PTPRD: variants seen among roughly 807,000 people sequenced by gnomAD.
PTPRD encodes the protein protein tyrosine phosphatase receptor type D.
PTPRD carries 34 observed loss-of-function variants against 214.5 expected under a neutral mutation model. The observed-to-expected ratio is 0.16, with a 90% CI of 0.12 to 0.21. PTPRD has a LOEUF of 0.21. PTPRD is among the 10% of genes least tolerant of loss of function. The pLI, the probability that PTPRD is intolerant of heterozygous loss-of-function variation, is 1.00. For missense variants in PTPRD, 2,545 were observed against 2,398.7 expected, an observed-to-expected ratio of 1.06 and a Z score of -1.27; for synonymous variants, 1,128 against 845.7, an observed-to-expected ratio of 1.33 and a Z score of -5.79.
chr9:9,963,461 G>C (rs1024377254), intron 4 of PTPRD, among the ~76,000 whole-genome samples: 1 of 152,088 alleles, frequency 6.6e-6, no homozygotes, highest in Non-Finnish European at 1.5e-5. Flanking sequence ...AATTTTCTAT[G>C]TTGGATGTTT....
intron 5 of PTPRD, among the ~76,000 whole-genome samples, chr9:9,912,608 C>T (rs1365006353): frequency 6.6e-6 from 1 of 152,206 alleles, no homozygotes; most frequent in Non-Finnish European, 1.5e-5. Flanking sequence ...CGTTGGCAAT[C>T]AGTGCTGAAG....
intron 2 of PTPRD, among the ~76,000 whole-genome samples, chr9:10,529,583 G>A (rs1421312406): frequency 6.6e-6 from 1 of 151,360 alleles, no homozygotes; most frequent in African/African-American, 2.4e-5. Context: ...TGGGGGGCAA[G>A]GGGAAGGATA....
intron 10 of PTPRD, among the ~76,000 whole-genome samples, chr9:9,160,684 A>G (rs1157692448): frequency 6.6e-6 from 1 of 152,196 alleles, no homozygotes; most frequent in African/African-American, 2.4e-5. Flanking sequence ...TTCTGGATAT[A>G]CATTCAAAGG....
In PTPRD at chr9:8,521,262, A is replaced by G. The variant is rs2138847091; in HGVS notation, c.961+15T>C. The G allele has an allele frequency of 1.2e-6, 2 of 1,601,492 alleles. No homozygotes were observed. The highest frequency in any genetic ancestry group is 2.2e-5 in the South Asian group (2 of 89,186). ...AGTGTACCCAGATCCTCAAAGCATA[A>G]TCCATTGAGCATACCTTTGACAGTG... On this transcript the variant is annotated intron_variant, in intron 20 of 45. Transcript: ENST00000381196.
chr9:8,845,040 T>A (rs966505891), intron 11 of PTPRD, among the ~76,000 whole-genome samples: 2 of 152,164 alleles, frequency 1.3e-5, no homozygotes, highest in African/African-American at 4.8e-5. Context: ...AGTGCTTTAC[T>A]CAGCCTTATA....
intron 30 of PTPRD, among the ~76,000 whole-genome samples, chr9:8,474,075 C>T (rs1433795643): frequency 6.6e-6 from 1 of 152,136 alleles, no homozygotes; most frequent in Non-Finnish European, 1.5e-5. Flanking sequence ...CATATGGCAG[C>T]TGTGGATCTA....
At chr9:9,842,065 G>A (rs981341173) in intron 5 of PTPRD, among the ~76,000 whole-genome samples, 2 of 151,852 alleles carry the variant, frequency 1.3e-5, no homozygotes, top group African/African-American at 4.8e-5. Flanking sequence ...TGCTGAAATA[G>A]CTAAAGGAGG....
At chr9:9,821,270 C>A (rs1380412882) in intron 5 of PTPRD, among the ~76,000 whole-genome samples, 1 of 152,118 alleles carries the variant, frequency 6.6e-6, no homozygotes, top group Non-Finnish European at 1.5e-5. Flanking sequence ...ATTTTGTACC[C>A]TGAAACTTTA....
At chr9:8,342,186 T>C (rs1853072479) in intron 39 of PTPRD, among the ~76,000 whole-genome samples, 1 of 152,022 alleles carries the variant, frequency 6.6e-6, no homozygotes, top group Non-Finnish European at 1.5e-5. Context: ...CTGAGTAAAA[T>C]TAGTTTAGTT....
At chr9:9,839,255 T>C (rs933040473) in intron 5 of PTPRD, among the ~76,000 whole-genome samples, 11 of 152,076 alleles carry the variant, frequency 7.2e-5, no homozygotes, top group Non-Finnish European at 1.2e-4. Context: ...AAAGAGGAAG[T>C]CAAATTGTCC....
At chr9:8,778,247 T>C (rs2095559210) in intron 11 of PTPRD, among the ~76,000 whole-genome samples, 2 of 152,238 alleles carry the variant, frequency 1.3e-5, no homozygotes, top group Admixed American at 1.3e-4. Context: ...TTCACTACAA[T>C]GAGCCAAAAT....
At chr9:9,721,713 C>T (rs2097951419) in intron 7 of PTPRD, among the ~76,000 whole-genome samples, 1 of 152,018 alleles carries the variant, frequency 6.6e-6, no homozygotes, top group Non-Finnish European at 1.5e-5. Flanking sequence ...AAGAGATAGA[C>T]CCTGAGGTCA....
intron 3 of PTPRD, among the ~76,000 whole-genome samples, chr9:10,099,419 C>T (rs938381621): frequency 1.3e-5 from 2 of 151,686 alleles, no homozygotes; most frequent in African/African-American, 2.4e-5. Context: ...AAATTAAATA[C>T]TGCACTACTA....
chr9:9,707,097 C>T (rs2097635804), intron 7 of PTPRD, among the ~76,000 whole-genome samples: 2 of 152,038 alleles, frequency 1.3e-5, no homozygotes, highest in African/African-American at 4.8e-5. Flanking sequence ...AAGTTGCTAA[C>T]AATGGCATAT....
intron 3 of PTPRD, among the ~76,000 whole-genome samples, chr9:10,260,806 C>A (rs1474272809): frequency 6.6e-6 from 1 of 151,986 alleles, no homozygotes; most frequent in African/African-American, 2.4e-5. Context: ...CATTGTTCTG[C>A]ACATGATTAC....
intron 5 of PTPRD, among the ~76,000 whole-genome samples, chr9:9,914,628 T>C (rs1015813367): frequency 4.6e-5 from 7 of 152,188 alleles, no homozygotes; most frequent in Admixed American, 4.6e-4. Flanking sequence ...GCCTGTGTTC[T>C]GGCACTGTAG....
chr9:10,482,253 C>T (rs936008854), intron 2 of PTPRD, among the ~76,000 whole-genome samples: 18 of 151,856 alleles, frequency 1.2e-4, no homozygotes, highest in African/African-American at 4.3e-4. Flanking sequence ...TGCCTGTAGT[C>T]CCAGCTACTG....
At chr9:8,974,554 A>C (rs1291158567) in intron 11 of PTPRD, among the ~76,000 whole-genome samples, 1 of 151,872 alleles carries the variant, frequency 6.6e-6, no homozygotes, top group Non-Finnish European at 1.5e-5. Flanking sequence ...AAGGCCAAGG[A>C]GCTATTTTCA....
chr9:8,909,567 C>T (rs2098732607), intron 11 of PTPRD, among the ~76,000 whole-genome samples: 1 of 152,154 alleles, frequency 6.6e-6, no homozygotes, highest in South Asian at 2.1e-4. Flanking sequence ...TACAAACTTT[C>T]AACAAACTAA....
Sources: gnomAD v4.1 joint callset for allele counts (sites outside exome capture counted in the v4.1 genomes callset) on GRCh38, gnomAD v4.1.1 for gene constraint, MANE v1.5 for transcripts, NCBI Gene and HGNC (gene_info 2026-07-23, HGNC 2026-07-21) for gene names.